Variants in FAM78B observed in about 807,000 individuals in gnomAD.
FAM78B encodes protein FAM78B.
Under a neutral mutation model 20.0 loss-of-function variants are expected in FAM78B, and 10 were observed. That is an observed-to-expected ratio of 0.50 (90% CI 0.31 to 0.85). FAM78B has a LOEUF of 0.85. FAM78B is among the 40% of genes least tolerant of loss of function. The pLI is 0.05. For synonymous variants in FAM78B, 135 were observed against 132.8 expected, an observed-to-expected ratio of 1.02 and a Z score of -0.12; for missense variants, 283 against 345.0, an observed-to-expected ratio of 0.82 and a Z score of 1.42.
intron 1 of FAM78B, among the ~76,000 whole-genome samples, chr1:166,118,902 C>T (rs934966962): frequency 1.3e-5 from 2 of 152,148 alleles, no homozygotes; most frequent in Admixed American, 1.3e-4. Context: ...CTGATGTGCA[C>T]CTCTTCACGC....
Position 166,069,925 on chromosome 1 carries a change from C to T in FAM78B, c.*316G>A. 1 of 1,017,932 alleles carries T rather than the reference C, an allele frequency of 9.8e-7. No individual in the cohort carries two copies. Among genetic ancestry groups the T allele is most frequent in the Non-Finnish European group, 1.2e-6 (1 of 841,036 alleles). The allele number at this position is 1,017,932 out of a possible 1,614,324, so 63.1% of individuals were successfully genotyped here. A position where few individuals can be genotyped will look rare whatever the true frequency, so the allele number is the denominator to read the frequency against. ...TTAATTTCGTTTCCATCCCCTGCAT[C>T]TCACAGGAAAGAAATGGTCAATAGT... On this transcript the variant is annotated 3_prime_UTR_variant, in exon 2 of 2. Transcript: ENST00000354422.
intron 1 of FAM78B, among the ~76,000 whole-genome samples, chr1:166,161,665 A>G (rs1243841806): frequency 1.3e-5 from 2 of 152,148 alleles, no homozygotes; most frequent in Non-Finnish European, 2.9e-5. Flanking sequence ...CATATTCTGG[A>G]GATGGGATCA....
chr1:166,105,216 A>G lies in FAM78B; in HGVS notation c.264-34453T>C, dbSNP rs139585277. ...TACAAAAATTAATTCAAGATGCATT[A>G]AAGACTTAAATGTTAGACCCAAAAC... On this transcript the variant is annotated intron_variant, in intron 1 of 1. Transcript: ENST00000354422. 8.5e-4 allele frequency among the ~76,000 whole-genome samples: 130 copies of G among 152,370 alleles called. 1 individual carries two copies. The highest frequency in any genetic ancestry group is 2.8e-3 in the African/African-American group (117 of 41,588).
chr1:166,125,988 T>G (rs892622536), intron 1 of FAM78B, among the ~76,000 whole-genome samples: 2 of 152,058 alleles, frequency 1.3e-5, no homozygotes, highest in Non-Finnish European at 2.9e-5. Flanking sequence ...TGTACTACCA[T>G]GCCCAGCTAA....
intron 1 of FAM78B, among the ~76,000 whole-genome samples, chr1:166,074,923 G>A (rs998984425): frequency 2.0e-5 from 3 of 152,224 alleles, no homozygotes; most frequent in East Asian, 3.8e-4. Flanking sequence ...CTTTGTGAAG[G>A]AAATGGCATA....
chr1:166,124,370 A>G (rs1654568487), intron 1 of FAM78B, among the ~76,000 whole-genome samples: 1 of 152,224 alleles, frequency 6.6e-6, no homozygotes, highest in African/African-American at 2.4e-5. Context: ...AACAATGATG[A>G]TAACAACAAA....
At chr1:166,084,245 T>A (rs879585028) in intron 1 of FAM78B, among the ~76,000 whole-genome samples, 5,817 of 111,562 alleles carry the variant, frequency 0.052, 127 homozygotes, top group African/African-American at 0.12. Context: ...ACACTCTCTC[T>A]CTCTCTCTCT....
downstream of FAM78B, among the ~76,000 whole-genome samples, chr1:166,056,129 T>C (rs997838303): frequency 6.6e-6 from 1 of 152,204 alleles, no homozygotes; most frequent in East Asian, 1.9e-4. Context: ...GACATATGTA[T>C]ATTTAAAAAT....
chr1:166,065,535 CTT>C (rs1458390652), downstream of FAM78B, among the ~76,000 whole-genome samples: 1 of 151,676 alleles, frequency 6.6e-6, no homozygotes, highest in Non-Finnish European at 1.5e-5. Context: ...ATGAAAAACT[CTT>C]TATAAACTGT....
At chr1:166,105,146 A>G (rs1405724321) in intron 1 of FAM78B, among the ~76,000 whole-genome samples, 26 of 152,192 alleles carry the variant, frequency 1.7e-4, no homozygotes, top group Admixed American at 1.6e-3. Flanking sequence ...AAAACTGGCT[A>G]GCCATATGTA....
At chr1:166,112,651 T>TC (rs918716345) in intron 1 of FAM78B, among the ~76,000 whole-genome samples, 1 of 152,204 alleles carries the variant, frequency 6.6e-6, no homozygotes, top group African/African-American at 2.4e-5. Context: ...TGGTGCTCCA[T>TC]CACTCCATGA....
intron 1 of FAM78B, among the ~76,000 whole-genome samples, chr1:166,105,632 A>C (rs1008381753): frequency 7.9e-5 from 12 of 152,368 alleles, no homozygotes; most frequent in Non-Finnish European, 1.6e-4. Flanking sequence ...CCATCAGAGA[A>C]ATGCAAATCA....
Position 166,086,827 on chromosome 1 carries a change from C to G in FAM78B, c.264-16064G>C, listed in dbSNP as rs963249918. Among the ~76,000 whole-genome samples the G allele has an allele frequency of 1.5e-4, 23 of 152,226 alleles. No homozygotes were observed. In the East Asian group the frequency reaches 3.5e-3, roughly 23 times the overall value. ...TCTGCAGTTGGCAGAGGTGGGGCCA[C>G]ACTGTCCACACGTGTGGACAGAGGA... On this transcript the variant is annotated intron_variant, in intron 1 of 1. Coordinates refer to ENST00000354422, the MANE Select transcript of FAM78B (RefSeq NM_001017961.5).
intron 1 of FAM78B, among the ~76,000 whole-genome samples, chr1:166,142,130 C>G (rs534888306): frequency 6.6e-6 from 1 of 152,294 alleles, no homozygotes; most frequent in South Asian, 2.1e-4. Flanking sequence ...ATGGAAGGGA[C>G]AGCTGCCTTG....
At chr1:166,077,087 C>T (rs1652304036) in intron 1 of FAM78B, among the ~76,000 whole-genome samples, 1 of 152,130 alleles carries the variant, frequency 6.6e-6, no homozygotes, top group Non-Finnish European at 1.5e-5. Context: ...AGAGAAAAAG[C>T]CATTCGACTT....
intron 1 of FAM78B, among the ~76,000 whole-genome samples, chr1:166,121,372 C>A (rs983358333): frequency 2.6e-5 from 4 of 152,144 alleles, no homozygotes; most frequent in Non-Finnish European, 2.9e-5. Flanking sequence ...GGTAGTGGAG[C>A]CCACCCTGAG....
chr1:166,133,142 G>C (rs940264348), intron 1 of FAM78B, among the ~76,000 whole-genome samples: 1 of 152,108 alleles, frequency 6.6e-6, no homozygotes, highest in Non-Finnish European at 1.5e-5. Flanking sequence ...TTTTCTCTTT[G>C]AGCACATTAT....
At chr1:166,121,806 C>T (rs77124436) in intron 1 of FAM78B, among the ~76,000 whole-genome samples, 4,181 of 152,260 alleles carry the variant, frequency 0.027, 257 homozygotes, top group Admixed American at 0.14. Context: ...TGCCCAAAGT[C>T]GTAAGTGATG....
At chr1:166,122,308 G>A (rs1037610727) in intron 1 of FAM78B, among the ~76,000 whole-genome samples, 2 of 152,146 alleles carry the variant, frequency 1.3e-5, no homozygotes, top group African/African-American at 4.8e-5. Context: ...CACCCCAGAT[G>A]AGTAGGGTTT....
Sources: gnomAD v4.1 joint callset for allele counts (sites outside exome capture counted in the v4.1 genomes callset) on GRCh38, gnomAD v4.1.1 for gene constraint, MANE v1.5 for transcripts, NCBI Gene and HGNC (gene_info 2026-07-23, HGNC 2026-07-21) for gene names.